Variants in LEF1 observed in about 807,000 individuals in gnomAD.
LEF1 encodes lymphoid enhancer-binding factor 1.
In LEF1, 14 loss-of-function variants were observed where a neutral mutation model predicts 51.2. The observed-to-expected ratio is 0.27, with a 90% CI of 0.18 to 0.43. LEF1 has a LOEUF of 0.43. Ranked by LOEUF, LEF1 falls within the 20% of genes least tolerant of loss-of-function variation. The pLI is 1.00. For synonymous variants in LEF1, 185 were observed against 183.2 expected, an observed-to-expected ratio of 1.01 and a Z score of -0.08; for missense variants, 386 against 512.0, an observed-to-expected ratio of 0.75 and a Z score of 2.37.
At chr4:108,120,542 T>C (rs1742108926) in intron 3 of LEF1, among the ~76,000 whole-genome samples, 1 of 152,180 alleles carries the variant, frequency 6.6e-6, no homozygotes, top group Non-Finnish European at 1.5e-5. Context: ...AAGCAGTAAT[T>C]TTTTAAAGGT....
chr4:108,057,354 C>T (rs1737374031), intron 11 of LEF1, among the ~76,000 whole-genome samples: 1 of 152,118 alleles, frequency 6.6e-6, no homozygotes, highest in East Asian at 1.9e-4. Context: ...AACCCAGCAG[C>T]TCACTGATAT....
intron 3 of LEF1, among the ~76,000 whole-genome samples, chr4:108,127,938 C>A (rs1742647794): frequency 6.6e-6 from 1 of 152,114 alleles, no homozygotes; most frequent in Non-Finnish European, 1.5e-5. Flanking sequence ...TAGGGTCTGT[C>A]CTGACCATTT....
At chr4:108,148,700 T>C (rs988724306) in intron 3 of LEF1, among the ~76,000 whole-genome samples, 1 of 152,236 alleles carries the variant, frequency 6.6e-6, no homozygotes, top group Non-Finnish European at 1.5e-5. Flanking sequence ...GAATGAATGA[T>C]AAATCATTCC....
At chr4:108,078,518 C>T (rs1020551468) in intron 7 of LEF1, 136 bp from the exon 8 acceptor site, 12 of 1,076,772 alleles carry the variant, frequency 1.1e-5, no homozygotes, top group African/African-American at 7.8e-5. Flanking sequence ...AGACCACCAC[C>T]AACTTGGAAG....
At chr4:108,088,109 A>T (rs1441714449) in intron 4 of LEF1, among the ~76,000 whole-genome samples, 1 of 152,206 alleles carries the variant, frequency 6.6e-6, no homozygotes, top group Non-Finnish European at 1.5e-5. Context: ...TTAAATAAGC[A>T]TTCTGTTTTA....
At chr4:108,065,846 C>T (rs62312236) in intron 9 of LEF1, among the ~76,000 whole-genome samples, 6,391 of 152,166 alleles carry the variant, frequency 0.042, 168 homozygotes, top group Non-Finnish European at 0.062. Context: ...CGGACCATGG[C>T]TATACGCTAT....
chr4:108,049,484 G>GT (rs1736837765), intron 11 of LEF1, among the ~76,000 whole-genome samples: 1 of 152,208 alleles, frequency 6.6e-6, no homozygotes, highest in African/African-American at 2.4e-5. Context: ...AAAGTAAAAT[G>GT]TAACATTGTA....
chr4:108,151,895 T>A (rs1744379710), intron 3 of LEF1, among the ~76,000 whole-genome samples: 1 of 152,248 alleles, frequency 6.6e-6, no homozygotes, highest in Non-Finnish European at 1.5e-5. Flanking sequence ...GTTACATTCT[T>A]GAAGTTTTAA....
intron 3 of LEF1, among the ~76,000 whole-genome samples, chr4:108,131,246 G>A (rs62310704): frequency 0.078 from 11,797 of 152,040 alleles, 508 homozygotes; most frequent in African/African-American, 0.13. Flanking sequence ...ACCAGCCTGA[G>A]CAACATAGCA....
chr4:108,065,142 C>T (rs1427070410), intron 9 of LEF1, among the ~76,000 whole-genome samples: 1 of 152,198 alleles, frequency 6.6e-6, no homozygotes, highest in Non-Finnish European at 1.5e-5. Context: ...GCTTAGATCC[C>T]ACTTACAGTG....
At chr4:108,166,597 C>T in intron 1 of LEF1, 1 of 1,108,196 alleles carries the variant, frequency 9.0e-7, no homozygotes, top group Non-Finnish European at 1.1e-6. Flanking sequence ...TCCAGCGCGG[C>T]CCTGCTCCGC....
intron 9 of LEF1, among the ~76,000 whole-genome samples, chr4:108,069,821 G>C (rs866414533): frequency 6.6e-6 from 1 of 151,898 alleles, no homozygotes; most frequent in African/African-American, 2.4e-5. Flanking sequence ...AGCCATGTGT[G>C]GGGGTGCATG....
At chr4:108,087,897 C>T (rs1369160340) in intron 4 of LEF1, among the ~76,000 whole-genome samples, 2 of 152,152 alleles carry the variant, frequency 1.3e-5, no homozygotes, top group African/African-American at 4.8e-5. Flanking sequence ...TCTTAATTCC[C>T]TTTCTCACTA....
At chr4:108,058,064 C>T (rs1000806569) in intron 11 of LEF1, among the ~76,000 whole-genome samples, 11 of 151,634 alleles carry the variant, frequency 7.3e-5, no homozygotes, top group South Asian at 2.1e-4. Context: ...TAGTTAGAGA[C>T]GGGGTTTCAC....
intron 3 of LEF1, among the ~76,000 whole-genome samples, chr4:108,147,377 A>G (rs1744059053): frequency 6.6e-6 from 1 of 152,190 alleles, no homozygotes; most frequent in Non-Finnish European, 1.5e-5. Context: ...CAAACATCTC[A>G]GATAGCCCTG....
At chr4:108,145,091 C>T (rs1743921014) in intron 3 of LEF1, among the ~76,000 whole-genome samples, 1 of 152,084 alleles carries the variant, frequency 6.6e-6, no homozygotes, top group South Asian at 2.1e-4. Flanking sequence ...CACTGGGGTG[C>T]AGCAGGAAGA....
At chr4:108,115,840 A>AACACACACACACACACACAC (rs1470691059) in intron 3 of LEF1, among the ~76,000 whole-genome samples, 1 of 81,060 alleles carries the variant, frequency 1.2e-5, no homozygotes, top group African/African-American at 5.4e-5. Flanking sequence ...CCTATAATGT[A>AACACACACACACACACACAC]ACACATACAC....
At chr4:108,059,057 G>A (rs994846242) in intron 11 of LEF1, among the ~76,000 whole-genome samples, 5 of 152,238 alleles carry the variant, frequency 3.3e-5, no homozygotes, top group African/African-American at 1.2e-4. Context: ...GGCTTTTAGG[G>A]ATCTCATTTC....
chr4:108,079,765 G>T, intron 6 of LEF1, 151 bp from the exon 7 acceptor site: 1 of 646,390 alleles, frequency 1.5e-6, no homozygotes, highest in Non-Finnish European at 2.4e-6. Context: ...AGAGTGGGCC[G>T]ATAATTATTT....
Sources: allele counts gnomAD v4.1 joint callset (sites outside exome capture counted in the v4.1 genomes callset), GRCh38; gene constraint gnomAD v4.1.1; transcripts MANE v1.5; gene names NCBI Gene and HGNC (gene_info 2026-07-23, HGNC 2026-07-21).